Variants in TRMT11 observed in about 807,000 individuals in gnomAD.
The protein encoded by TRMT11 is tRNA (guanine(10)-N(2))-methyltransferase TRMT11.
Under a neutral mutation model 62.8 loss-of-function variants are expected in TRMT11, and 53 were observed. The observed-to-expected ratio is 0.84, with a 90% CI of 0.68 to 1.06. The LOEUF (loss-of-function observed/expected upper bound fraction) is 1.06, where lower values mean the gene tolerates loss of function less well. TRMT11 is among the 50% of genes least tolerant of loss of function. The probability of loss-of-function intolerance (pLI) is 0.00; values close to 1 mark genes in which losing one functional copy is unlikely to be tolerated. For synonymous variants in TRMT11, 188 were observed against 190.3 expected, an observed-to-expected ratio of 0.99 and a Z score of 0.10; for missense variants, 556 against 553.4, an observed-to-expected ratio of 1.00 and a Z score of -0.05.
At chr6:126,016,218 T>G (rs1794964061) in intron 11 of TRMT11, among the ~76,000 whole-genome samples, 1 of 152,212 alleles carries the variant, frequency 6.6e-6, no homozygotes, top group South Asian at 2.1e-4. Flanking sequence ...AGAAAGAGCT[T>G]TTCTTTCTGC....
At chr6:126,092,249 G>T (rs950767432) in intron 17 of TRMT11, among the ~76,000 whole-genome samples, 1 of 152,090 alleles carries the variant, frequency 6.6e-6, no homozygotes, top group African/African-American at 2.4e-5. Context: ...TCATGCTGCT[G>T]ATAAAGACCT....
chr6:126,048,451 A>G (rs1257585975), intron 16 of TRMT11, among the ~76,000 whole-genome samples: 1 of 152,202 alleles, frequency 6.6e-6, no homozygotes, highest in South Asian at 2.1e-4. Context: ...GATTGAAGAC[A>G]TCCTTCCTTA....
chr6:126,264,868 A>G, the TRMT11 span, among the ~76,000 whole-genome samples: 1 of 152,104 alleles, frequency 6.6e-6, no homozygotes, highest in Non-Finnish European at 1.5e-5. Flanking sequence ...ATATATAGTC[A>G]TATAATCCCA....
At chr6:126,148,526 G>A (rs1778001137) in intron 21 of TRMT11, among the ~76,000 whole-genome samples, 1 of 152,250 alleles carries the variant, frequency 6.6e-6, no homozygotes, top group Non-Finnish European at 1.5e-5. Context: ...ACAGATGTGG[G>A]TTGAAGTTCT....
At chr6:126,153,973 A>G (rs955483909) in intron 21 of TRMT11, among the ~76,000 whole-genome samples, 1 of 152,142 alleles carries the variant, frequency 6.6e-6, no homozygotes, top group Non-Finnish European at 1.5e-5. Context: ...CTGCATTGAC[A>G]CTGAGGCCCC....
intron 8 of TRMT11, chr6:126,008,865 G>T: frequency 2.9e-6 from 1 of 349,246 alleles, no homozygotes; most frequent in Non-Finnish European, 5.6e-6. Context: ...GTCAACTGTA[G>T]TTTTATATGG....
At chr6:126,260,087 T>C in the TRMT11 span, among the ~76,000 whole-genome samples, 3 of 152,206 alleles carry the variant, frequency 2.0e-5, no homozygotes, top group African/African-American at 7.2e-5. Flanking sequence ...GATAAGAACT[T>C]ACTCCTGCCA....
the TRMT11 span, among the ~76,000 whole-genome samples, chr6:126,256,864 TTTTGTTTG>T: frequency 5.3e-5 from 8 of 151,970 alleles, no homozygotes; most frequent in Non-Finnish European, 1.2e-4. Context: ...TTTTTTTGTT[TTTTGTTTG>T]TTTGTTTGTT....
chr6:126,151,778 C>T (rs1180657903), intron 21 of TRMT11, among the ~76,000 whole-genome samples: 58 of 121,420 alleles, frequency 4.8e-4, no homozygotes, highest in African/African-American at 1.9e-3. Flanking sequence ...TTCCTTTCAC[C>T]CTTTTCCTTC....
chr6:126,109,987 AC>A (rs1474691046), intron 17 of TRMT11, among the ~76,000 whole-genome samples: 1 of 152,144 alleles, frequency 6.6e-6, no homozygotes, highest in Non-Finnish European at 1.5e-5. Flanking sequence ...AGCTAGTTAA[AC>A]TTTTAGCCTC....
At chr6:126,214,910 G>C in the TRMT11 span, among the ~76,000 whole-genome samples, 1 of 151,718 alleles carries the variant, frequency 6.6e-6, no homozygotes, top group Non-Finnish European at 1.5e-5. Flanking sequence ...CCGTATCCTA[G>C]GTTTTGGTAT....
At chr6:126,008,865 G>C in intron 8 of TRMT11, 1 of 349,248 alleles carries the variant, frequency 2.9e-6, no homozygotes, top group South Asian at 2.4e-5. Flanking sequence ...GTCAACTGTA[G>C]TTTTATATGG....
At chr6:126,144,610 A>G (rs544604503) in intron 21 of TRMT11, among the ~76,000 whole-genome samples, 2 of 152,176 alleles carry the variant, frequency 1.3e-5, no homozygotes, top group African/African-American at 4.8e-5. Flanking sequence ...AATATCCCTC[A>G]CTTTTGCCCA....
chr6:126,090,364 A>C (rs940430102), intron 17 of TRMT11, among the ~76,000 whole-genome samples: 1 of 152,160 alleles, frequency 6.6e-6, no homozygotes, highest in Non-Finnish European at 1.5e-5. Flanking sequence ...ACAAATTGCA[A>C]TTTCCCTAAC....
At chr6:126,202,542 C>G (rs189060931), downstream of TRMT11, among the ~76,000 whole-genome samples, 2,920 of 152,168 alleles carry the variant, frequency 0.019, 34 homozygotes, top group South Asian at 0.033. Flanking sequence ...AAACCAAAAG[C>G]AATAGAAAAG....
At chr6:126,062,358 T>A (rs1169334519) in intron 17 of TRMT11, among the ~76,000 whole-genome samples, 1 of 152,250 alleles carries the variant, frequency 6.6e-6, no homozygotes, top group Non-Finnish European at 1.5e-5. Context: ...AACTTTACAC[T>A]TTGTTATTGT....
chr6:126,222,031 C>T, the TRMT11 span, among the ~76,000 whole-genome samples: 7 of 152,188 alleles, frequency 4.6e-5, no homozygotes, highest in African/African-American at 1.7e-4. Context: ...CTGCATATGG[C>T]TAGCCAGTTA....
At chr6:126,207,420 G>T (rs1205090755), downstream of TRMT11, among the ~76,000 whole-genome samples, 1 of 152,210 alleles carries the variant, frequency 6.6e-6, no homozygotes, top group Non-Finnish European at 1.5e-5. Context: ...AGAAGAGCAG[G>T]CAGAGAAGCA....
chr6:126,103,042 C>A (rs967356679), intron 17 of TRMT11, among the ~76,000 whole-genome samples: 1 of 152,150 alleles, frequency 6.6e-6, no homozygotes, highest in African/African-American at 2.4e-5. Context: ...AAATGTGTTA[C>A]TCCTCATCTC....
Sources: gnomAD v4.1 joint callset for allele counts (sites outside exome capture counted in the v4.1 genomes callset) on GRCh38, gnomAD v4.1.1 for gene constraint, MANE v1.5 for transcripts, NCBI Gene and HGNC (gene_info 2026-07-23, HGNC 2026-07-21) for gene names.